Variants in JAKMIP3 observed in about 807,000 individuals in gnomAD.
JAKMIP3 encodes the protein Janus kinase and microtubule interacting protein 3, also known as janus kinase and microtubule-interacting protein 3.
Under a neutral mutation model 118.5 loss-of-function variants are expected in JAKMIP3, and 58 were observed. That is an observed-to-expected ratio of 0.49 (90% CI 0.40 to 0.61). JAKMIP3 has a LOEUF of 0.61. Among genes scored for constraint, JAKMIP3 ranks in the 20% least tolerant of loss-of-function variants. JAKMIP3 has a pLI of 0.00. For missense variants in JAKMIP3, 950 were observed against 1,109.0 expected (o/e 0.86, Z 2.04); for synonymous variants, 486 against 451.2 (o/e 1.08, Z -0.98).
upstream of JAKMIP3, among the ~76,000 whole-genome samples, chr10:132,063,074 C>G (rs994509049): frequency 4.6e-5 from 7 of 152,064 alleles, no homozygotes; most frequent in East Asian, 1.3e-3. Context: ...TGGGAATCAG[C>G]GATGGAGCAG....
chr10:132,106,283 A>C (rs923272649), intron 2 of JAKMIP3, among the ~76,000 whole-genome samples: 1 of 152,012 alleles, frequency 6.6e-6, no homozygotes, highest in African/African-American at 2.4e-5. Context: ...GGCTACAGTA[A>C]GCTGTGATTG....
chr10:132,183,858 G>A lies in JAKMIP3; in HGVS notation c.*2605G>A, dbSNP rs1254441924. On this transcript the variant is annotated 3_prime_UTR_variant, in exon 24 of 24. Coordinates refer to ENST00000684848, the MANE Select transcript of JAKMIP3 (RefSeq NM_001323087.2). ...CCTCCTGGTCCAGTGAGCAGCAGCA[G>A]AATTCAAGTATTTAAAAATAAGGTG... 4 of 152,192 alleles carry A rather than the reference G, an allele frequency of 2.6e-5. No homozygotes were observed. The highest frequency in any genetic ancestry group is 5.9e-5 in the Non-Finnish European group (4 of 68,042). The allele number at this position is 152,192 out of a possible 1,614,324, so 9.4% of individuals were successfully genotyped here.
chr10:132,150,409 A>G (rs1589958110), intron 16 of JAKMIP3, among the ~76,000 whole-genome samples: 2 of 152,174 alleles, frequency 1.3e-5, no homozygotes, highest in Admixed American at 1.3e-4. Context: ...GACTCTATAG[A>G]TAACTCCTAA....
intron 21 of JAKMIP3, 64 bp from the exon 22 acceptor site, chr10:132,166,919 G>A: frequency 1.7e-6 from 2 of 1,148,806 alleles, no homozygotes; most frequent in Middle Eastern, 1.9e-4. Context: ...CTTGCCAGAA[G>A]CACTACAAAC....
Position 132,138,453 on chromosome 10 carries a change from G to A in JAKMIP3, c.1344+275G>A, listed in dbSNP as rs898012500. 2.6e-5 allele frequency among the ~76,000 whole-genome samples: 4 copies of A among 151,900 alleles called. No homozygotes were observed. In the South Asian group the frequency reaches 6.2e-4, roughly 24 times the overall value. On this transcript the variant is annotated intron_variant, in intron 9 of 23. Transcript: ENST00000684848. ...GTGGAGGGCGCTGGGTGTGTGTGCC[G>A]AGGACCGCGCCCGCGTGTGTGGAGA... is the stretch of plus-strand genomic sequence containing the variant.
rs2047834225 is a variant in JAKMIP3, at chr10:132,117,292, G to A, written c.351G>A (p.Gln117=). The A allele has an allele frequency of 6.2e-7, 1 of 1,613,864 alleles. No individual in the cohort carries two copies. The highest frequency in any genetic ancestry group is 8.5e-7 in the Non-Finnish European group (1 of 1,179,904). ...AGGACAACGAGAACCAGCGGCTGCA[G>A]GCACTGCTCAGTGCCCTGCGTGATG... ...KIKDNENQRL[Q]ALLSALRDGG... is the part of the protein sequence containing the mutation. The change falls in exon 3 of 24, where the codon CAG becomes CAA. Residue 117 remains glutamine, a synonymous_variant. Transcript: ENST00000684848. This position sits in a 1 kb window ranked among gnomAD's most constrained non-coding sequence, Gnocchi z 8.6.
chr10:132,155,728 A>G (rs2057012187), intron 19 of JAKMIP3, among the ~76,000 whole-genome samples: 1 of 152,152 alleles, frequency 6.6e-6, no homozygotes, highest in East Asian at 1.9e-4. Context: ...TCCTGTTGCT[A>G]TGGTTAGTGT....
At chr10:132,081,075 T>G (rs1269374327) in intron 1 of JAKMIP3, among the ~76,000 whole-genome samples, 4 of 152,232 alleles carry the variant, frequency 2.6e-5, no homozygotes, top group Non-Finnish European at 5.9e-5. Flanking sequence ...AGTTTTGTAC[T>G]TTAAGGTCTT....
At position 132,183,656 on chromosome 10, in the gene JAKMIP3, G is replaced by A. The variant is rs984525882; in HGVS notation, c.*2403G>A. ...CTGAATAACATCCAAACTGCATCGC[G>A]TCTCTGCCCCATTCCTGAAAGCACA... On this transcript the variant is annotated 3_prime_UTR_variant, in exon 24 of 24. Transcript: ENST00000684848. The A allele has an allele frequency of 6.6e-5, 10 of 152,270 alleles. No homozygotes were observed. The highest frequency in any genetic ancestry group is 3.9e-4 in the Admixed American group (6 of 15,286). 9.4% of individuals were successfully genotyped at this position (152,270 alleles called of 1,614,324 possible). A position where few individuals can be genotyped will look rare whatever the true frequency, so the allele number is the denominator to read the frequency against.
rs1410643891 is a variant in JAKMIP3 at position 132,163,235 on chromosome 10, G to C, written c.2247G>C (p.Leu749=). ...ACATCCTGGAGCTGGAAGCCATGCT[G>C]TATGATGCCCTGCAGCAGGAGGCCG... is the stretch of plus-strand genomic sequence containing the variant. The part of the protein sequence containing the change: ...NKHILELEAM[L]YDALQQEAGA... The change falls in exon 20 of 24, where the codon CTG becomes CTC. Residue 749 remains leucine, a synonymous_variant. Coordinates refer to ENST00000684848, the MANE Select transcript of JAKMIP3 (RefSeq NM_001323087.2). 4 of 1,570,046 alleles carry C rather than the reference G, an allele frequency of 2.5e-6. No homozygotes were observed. The South Asian group carries it at 4.7e-5, about 18-fold the overall frequency.
intron 1 of JAKMIP3, among the ~76,000 whole-genome samples, chr10:132,103,594 G>A (rs540540064): frequency 1.1e-4 from 16 of 152,134 alleles, no homozygotes; most frequent in Admixed American, 5.9e-4. Flanking sequence ...CACCAGCCTC[G>A]TCTAATCACC....
intron 1 of JAKMIP3, among the ~76,000 whole-genome samples, chr10:132,068,038 G>A (rs542800747): frequency 8.2e-5 from 12 of 145,734 alleles, no homozygotes; most frequent in African/African-American, 2.8e-4. Flanking sequence ...TGTGGACTGT[G>A]GGCTTCCGTG....
chr10:132,050,635 T>TGG (rs200161309), intron 1 of JAKMIP3, among the ~76,000 whole-genome samples: 65 of 152,076 alleles, frequency 4.3e-4, no homozygotes, highest in Non-Finnish European at 5.7e-4. Flanking sequence ...GAAGGAGATT[T>TGG]GGGGGGGGTT....
At chr10:132,180,292 AGGAGCCCCAT>A (rs1439856814) in intron 23 of JAKMIP3, among the ~76,000 whole-genome samples, 9 of 152,058 alleles carry the variant, frequency 5.9e-5, no homozygotes, top group African/African-American at 2.2e-4. Flanking sequence ...GGGGGCATTG[AGGAGCCCCAT>A]GGAGCCACAG....
intron 6 of JAKMIP3, 117 bp downstream of exon 6, chr10:132,136,193 T>C (rs1372551698): frequency 5.5e-6 from 6 of 1,087,164 alleles, no homozygotes; most frequent in Non-Finnish European, 8.0e-6. Context: ...TGGCCAGGCC[T>C]TCTGCTGGAG....
In JAKMIP3 at chr10:132,135,919, T is replaced by C; in HGVS notation, c.970-11T>C. 1.2e-6 allele frequency: 2 copies of C among 1,609,964 alleles called. No individual in the cohort carries two copies. Among genetic ancestry groups the C allele is most frequent in the African/African-American group, 1.3e-5 (1 of 74,766 alleles). On this transcript the variant is annotated splice_polypyrimidine_tract_variant and intron_variant, in intron 5 of 23. Transcript: ENST00000684848. ...ACTTAAAGAACAATCACATAGTGCG[T>C]TGTCTTTCAGTTGAAGCGCGTAAGA...
At chr10:132,177,339 TG>T (rs1390525382) in intron 23 of JAKMIP3, among the ~76,000 whole-genome samples, 1 of 152,250 alleles carries the variant, frequency 6.6e-6, no homozygotes, top group Non-Finnish European at 1.5e-5. Context: ...CAGGAACCCA[TG>T]GAGAACAGGC....
In JAKMIP3 at chr10:132,180,618, TGTGTGTGCGTGTGTGCGTGCGTGTGTGC is replaced by T. The variant is rs1243969609; in HGVS notation, c.*1104-1733_*1104-1706del. Among the ~76,000 whole-genome samples, 7 of 24,210 alleles carry T rather than the reference TGTGTGTGCGTGTGTGCGTGCGTGTGTGC, an allele frequency of 2.9e-4. 2 individuals carry two copies. The highest frequency in any genetic ancestry group is 8.2e-4 in the African/African-American group (4 of 4,872). 15.9% of individuals were successfully genotyped at this position (24,210 alleles called of 152,430 possible). Reference sequence around the variant, plus strand: ...GTGTGCGTGCGCGTGTGTGTGTGCGTGTGTGTGCGTGTGTGCGTGCGTGTGTGCGTGTGCGTGTGCGTGTGTGCGTGTG... The same window carrying T: ...GTGTGCGTGCGCGTGTGTGTGTGCGTGTGTGCGTGTGCGTGTGTGCGTGTG... On this transcript the variant is annotated intron_variant, in intron 23 of 23. Transcript: ENST00000684848.
At chr10:132,091,843 G>A (rs1451548646) in intron 1 of JAKMIP3, among the ~76,000 whole-genome samples, 1 of 152,186 alleles carries the variant, frequency 6.6e-6, no homozygotes, top group Non-Finnish European at 1.5e-5. Context: ...TTGCTCGTTA[G>A]TTGATGTAGT....
Sources: allele counts gnomAD v4.1 joint callset (sites outside exome capture counted in the v4.1 genomes callset), GRCh38; gene constraint gnomAD v4.1.1; non-coding constraint Gnocchi (gnomAD v3.1); transcripts MANE v1.5; gene names NCBI Gene and HGNC (gene_info 2026-07-23, HGNC 2026-07-21).